Variants in TOX2 observed in about 807,000 individuals in gnomAD.
TOX2 encodes TOX high mobility group box family member 2, also known as granulosa cell HMG box 1.
In TOX2, 15 loss-of-function variants were observed where a neutral mutation model predicts 47.4. The observed-to-expected ratio is 0.32, with a 90% CI of 0.21 to 0.49. The LOEUF is 0.49. Ranked by LOEUF, TOX2 falls within the 20% of genes least tolerant of loss-of-function variation. TOX2 has a pLI of 0.99. For synonymous variants in TOX2, 290 were observed against 296.6 expected, an observed-to-expected ratio of 0.98 and a Z score of 0.23; for missense variants, 622 against 673.1, an observed-to-expected ratio of 0.92 and a Z score of 0.84.
chr20:43,990,161 T>A (rs1271896628), intron 2 of TOX2, among the ~76,000 whole-genome samples: 1 of 152,204 alleles, frequency 6.6e-6, no homozygotes, highest in African/African-American at 2.4e-5. Context: ...GTATGAAAAG[T>A]ACATAGGATA....
intron 1 of TOX2, among the ~76,000 whole-genome samples, chr20:43,951,949 T>C (rs1435081497): frequency 6.6e-6 from 1 of 151,864 alleles, no homozygotes; most frequent in African/African-American, 2.4e-5. Flanking sequence ...CAAGCTGGAG[T>C]GCAGTGGTGC....
At position 44,026,228 on chromosome 20, in the gene TOX2, G is replaced by GAGATATATAT. The variant is rs1555842268; in HGVS notation, c.411+19437_411+19438insGATATATATA. Among the ~76,000 whole-genome samples the GAGATATATAT allele has an allele frequency of 2.5e-4, 15 of 60,256 alleles. 1 individual carries two copies. Among genetic ancestry groups the GAGATATATAT allele is most frequent in the Non-Finnish European group, 4.0e-4 (13 of 32,236 alleles). 39.5% of individuals were successfully genotyped at this position (60,256 alleles called of 152,430 possible). ...TCGATCGAGTGGATAAAGAAACTGT[G>GAGATATATAT]ATATATATATATATATATATAGACA... On this transcript the variant is annotated intron_variant, in intron 3 of 8. Transcript: ENST00000341197.
At chr20:43,971,569 C>CTGT (rs2069967932) in intron 1 of TOX2, among the ~76,000 whole-genome samples, 1 of 152,212 alleles carries the variant, frequency 6.6e-6, no homozygotes, top group Non-Finnish European at 1.5e-5. Context: ...TACAAATGCA[C>CTGT]ATACAGTTGG....
chr20:43,955,206 C>G, intron 1 of TOX2: 2 of 984,962 alleles, frequency 2.0e-6, no homozygotes, highest in Non-Finnish European at 2.4e-6. Flanking sequence ...CACTTCATTA[C>G]TTTTCTGAAA....
chr20:43,941,891 G>A (rs73288918), intron 1 of TOX2, among the ~76,000 whole-genome samples: 12 of 152,270 alleles, frequency 7.9e-5, no homozygotes, highest in Middle Eastern at 3.4e-3. Flanking sequence ...ATTTGTCCCC[G>A]TTTTGTGAAT....
At chr20:44,065,398 A>T (rs1197539920) in intron 6 of TOX2, among the ~76,000 whole-genome samples, 1 of 152,202 alleles carries the variant, frequency 6.6e-6, no homozygotes, top group African/African-American at 2.4e-5. Context: ...AAAAACATCT[A>T]CAAAGGCACA....
intron 1 of TOX2, among the ~76,000 whole-genome samples, chr20:43,954,995 C>T (rs755127031): frequency 2.0e-5 from 3 of 152,182 alleles, no homozygotes; most frequent in Non-Finnish European, 4.4e-5. Context: ...AAAAGCCCTG[C>T]GACGAGAAGT....
intron 1 of TOX2, chr20:43,945,803 G>A (rs927512221): frequency 4.1e-6 from 6 of 1,466,222 alleles, no homozygotes; most frequent in African/African-American, 1.4e-5. Context: ...TTATACGAAT[G>A]GGATGGGGGG....
chr20:44,038,969 G>A (rs2071286122), intron 3 of TOX2: 3 of 1,186,770 alleles, frequency 2.5e-6, no homozygotes, highest in South Asian at 3.1e-5. Context: ...CCTTCCTGGG[G>A]CGGGTGCAGA....
At chr20:44,039,370 G>A in intron 3 of TOX2, 1 of 1,226,204 alleles carries the variant, frequency 8.2e-7, no homozygotes, top group Non-Finnish European at 1.1e-6. Flanking sequence ...ATTTTACATG[G>A]CTAGGCCATT....
Position 44,068,718 on chromosome 20 carries a change from G to A in TOX2, c.*32G>A, listed in dbSNP as rs1356815919. 1.2e-6 allele frequency: 2 copies of A among 1,613,788 alleles called. No homozygotes were observed. Among genetic ancestry groups the A allele is most frequent in the African/African-American group, 1.3e-5 (1 of 75,010 alleles). On this transcript the variant is annotated 3_prime_UTR_variant, in exon 9 of 9. Transcript: ENST00000341197. ...CTCCCTACCATCCCTGAGGCTCGCT[G>A]GAAGGCACTGCTCAGAGCCTGAAGG...
intron 2 of TOX2, among the ~76,000 whole-genome samples, chr20:43,988,215 G>C (rs1263114493): frequency 6.6e-6 from 1 of 152,144 alleles, no homozygotes; most frequent in Non-Finnish European, 1.5e-5. Context: ...ACCGCACCTG[G>C]CCGAAACATC....
chr20:43,971,910 A>G (rs1244868733), intron 1 of TOX2, among the ~76,000 whole-genome samples: 1 of 152,368 alleles, frequency 6.6e-6, no homozygotes, highest in African/African-American at 2.4e-5. Context: ...GATATAAAAA[A>G]GCTGGTAGAC....
intron 1 of TOX2, among the ~76,000 whole-genome samples, chr20:43,946,637 A>T (rs2069476935): frequency 6.6e-6 from 1 of 152,234 alleles, no homozygotes; most frequent in Non-Finnish European, 1.5e-5. Context: ...ACCAGTTGGG[A>T]TCTCTACGCA....
intron 1 of TOX2, among the ~76,000 whole-genome samples, chr20:43,932,262 C>T (rs1022790070): frequency 6.6e-6 from 1 of 152,194 alleles, no homozygotes; most frequent in Non-Finnish European, 1.5e-5. Context: ...AGCTTATTAC[C>T]TTCGGAACAC....
At chr20:43,940,548 A>C (rs2069390104) in intron 1 of TOX2, among the ~76,000 whole-genome samples, 1 of 150,322 alleles carries the variant, frequency 6.7e-6, no homozygotes, top group Non-Finnish European at 1.5e-5. Context: ...CCCCAGGAAA[A>C]CTCTACTAAT....
At position 43,951,707 on chromosome 20, in the gene TOX2, G is replaced by GGTTTTTTTTTTTTT. The variant is rs745489872; in HGVS notation, c.100-21660_100-21659insGTTTTTTTTTTTTT. 5.2e-3 allele frequency among the ~76,000 whole-genome samples: 288 copies of GGTTTTTTTTTTTTT among 55,088 alleles called. 17 individuals are homozygous for GGTTTTTTTTTTTTT. The highest frequency in any genetic ancestry group is 0.014 in the African/African-American group (268 of 18,508). The allele number at this position is 55,088 out of a possible 152,430, so 36.1% of individuals were successfully genotyped here. A position where few individuals can be genotyped will look rare whatever the true frequency, so the allele number is the denominator to read the frequency against. ...TGACCATTACTATTAAACTTATTAT[G>GGTTTTTTTTTTTTT]TTTTTTTTTTTTTTTTTTTTTAGAG... On this transcript the variant is annotated intron_variant, in intron 1 of 8. Transcript: ENST00000341197.
At chr20:43,938,423 G>T (rs139101452) in intron 1 of TOX2, among the ~76,000 whole-genome samples, 1 of 152,166 alleles carries the variant, frequency 6.6e-6, no homozygotes, top group South Asian at 2.1e-4. Context: ...ATAGTAAAAT[G>T]CTTGTCCCGG....
chr20:43,946,658 G>T, intron 1 of TOX2, among the ~76,000 whole-genome samples: 1 of 152,256 alleles, frequency 6.6e-6, no homozygotes, highest in East Asian at 1.9e-4. Flanking sequence ...GCATACTTTC[G>T]TAGAAGAAAG....
Sources: allele counts gnomAD v4.1 joint callset (sites outside exome capture counted in the v4.1 genomes callset), GRCh38; gene constraint gnomAD v4.1.1; transcripts MANE v1.5; gene names NCBI Gene and HGNC (gene_info 2026-07-23, HGNC 2026-07-21).